ZNF91: variants seen among roughly 807,000 people sequenced by gnomAD.
ZNF91 encodes zinc finger protein 91.
A neutral mutation model predicts 12.6 loss-of-function variants in ZNF91; 7 were observed. The observed-to-expected ratio is 0.55, with a 90% CI of 0.31 to 1.04. The LOEUF (loss-of-function observed/expected upper bound fraction) is 1.04. Among genes scored for constraint, ZNF91 ranks in the 50% least tolerant of loss-of-function variants. The pLI is 0.05. For missense variants in ZNF91, 1,217 were observed against 1,385.4 expected (o/e 0.88, Z 1.93); for synonymous variants, 453 against 462.6 (o/e 0.98, Z 0.27).
At chr19:23,350,601 T>C (rs536771938) in intron 3 of ZNF91, among the ~76,000 whole-genome samples, 2 of 152,210 alleles carry the variant, frequency 1.3e-5, no homozygotes, top group South Asian at 2.1e-4. Context: ...TATAACCAAA[T>C]AGACAGGAAT....
Position 23,359,008 on chromosome 19 carries a change from G to T in ZNF91, c.*395C>A. On this transcript the variant is annotated 3_prime_UTR_variant, in exon 4 of 4. Transcript: ENST00000300619. Reference sequence around the variant, plus strand: ...AGTAAGGTGTGAAAACTGGTTAAAGGCTTTGCCAAATTTTTCCTGTTTGTA... The same window carrying T: ...AGTAAGGTGTGAAAACTGGTTAAAGTCTTTGCCAAATTTTTCCTGTTTGTA... The T allele has an allele frequency of 6.0e-6, 3 of 502,158 alleles. No homozygotes were observed. The highest frequency in any genetic ancestry group is 2.2e-5 in the Admixed American group (1 of 45,094). 31.1% of individuals were successfully genotyped at this position (502,158 alleles called of 1,614,324 possible). A position where few individuals can be genotyped will look rare whatever the true frequency, so the allele number is the denominator to read the frequency against.
intron 1 of ZNF91, chr19:23,324,330 CTCT>C (rs1967795148): frequency 6.6e-6 from 1 of 150,834 alleles, no homozygotes; most frequent in Non-Finnish European, 1.5e-5. Flanking sequence ...TCCTTTTCTT[CTCT>C]TCTCCTCCTC....
At position 23,357,911 on chromosome 19, in the gene ZNF91, G is replaced by T. The variant is rs1968534819; in HGVS notation, c.*1492C>A. 2 of 152,002 alleles carry T rather than the reference G, an allele frequency of 1.3e-5. No homozygotes were observed. The highest frequency in any genetic ancestry group is 2.4e-5 in the African/African-American group (1 of 41,394). The allele number at this position is 152,002 out of a possible 1,614,324, so 9.4% of individuals were successfully genotyped here. On this transcript the variant is annotated 3_prime_UTR_variant, in exon 4 of 4. Transcript: ENST00000300619. ...TCCGTATCAAAATATGCCACATATG[G>T]CATAATATGTACACATATTAGGTAT... is the stretch of plus-strand genomic sequence containing the variant.
chr19:23,394,753 C>T (rs1250255936), intron 1 of ZNF91, among the ~76,000 whole-genome samples: 1 of 152,152 alleles, frequency 6.6e-6, no homozygotes, highest in African/African-American at 2.4e-5. Flanking sequence ...ACAAAACCTA[C>T]ATAACTGTAC....
Position 23,361,430 on chromosome 19 carries a change from G to A in ZNF91, c.1549C>T (p.Pro517Ser), listed in dbSNP as rs550074503. The A allele has an allele frequency of 1.0e-4, 168 of 1,613,428 alleles. 1 individual carries two copies. The South Asian group carries it at 1.7e-3, about 16-fold the overall frequency. Reference sequence around the variant, plus strand: ...TTGCCACATTCTTCAAATTTGTAGGGTTTCTCTCCAGTATGAATTATCTTA... The same window carrying A: ...TTGCCACATTCTTCAAATTTGTAGGATTTCTCTCCAGTATGAATTATCTTA... The part of the protein sequence containing the change: ...KHKIIHTGEK[P>S]YKFEECGKAF... The change falls in exon 4 of 4, where the codon CCC becomes TCC. Residue 517 changes from proline to serine, a missense_variant. Physicochemically the swap from Pro to Ser is moderately conservative, Grantham distance 74. This residue lies in a region of ZNF91 where 726 missense variants were observed against 895.5 expected (regional missense o/e 0.81). Transcript: ENST00000300619.
At chr19:23,380,644 A>G (rs1271909689) in intron 1 of ZNF91, 1 of 152,252 alleles carries the variant, frequency 6.6e-6, no homozygotes, top group African/African-American at 2.4e-5. Flanking sequence ...GAGATTACAT[A>G]TAAGATTGAT....
At chr19:23,339,643 G>A (rs1240901131) in intron 3 of ZNF91, 3 of 152,248 alleles carry the variant, frequency 2.0e-5, no homozygotes, top group East Asian at 1.9e-4. Context: ...TGTAAATGAA[G>A]TAATTATGAT....
intron 1 of ZNF91, chr19:23,380,694 T>C (rs1296669447): frequency 6.6e-6 from 1 of 152,208 alleles, no homozygotes; most frequent in Non-Finnish European, 1.5e-5. Context: ...ATAATTTCTC[T>C]CTAAATATCC....
chr19:23,318,419 T>C (rs1967614978), intron 1 of ZNF91, among the ~76,000 whole-genome samples: 1 of 152,138 alleles, frequency 6.6e-6, no homozygotes, highest in South Asian at 2.1e-4. Flanking sequence ...TCTTCTATTC[T>C]TTTTAGGTTC....
At chr19:23,320,005 G>A (rs1354616671) in intron 1 of ZNF91, among the ~76,000 whole-genome samples, 1 of 152,162 alleles carries the variant, frequency 6.6e-6, no homozygotes, top group Admixed American at 6.5e-5. Flanking sequence ...TACAGAGAGT[G>A]TCATCACAGG....
At chr19:23,342,866 T>C (rs539478814) in intron 3 of ZNF91, among the ~76,000 whole-genome samples, 1 of 152,276 alleles carries the variant, frequency 6.6e-6, no homozygotes, top group South Asian at 2.1e-4. Flanking sequence ...GAGAATTCTA[T>C]GGCCAAAGCC....
At chr19:23,374,901 T>C (rs1969449146) in intron 1 of ZNF91, 137 bp from the exon 2 acceptor site, 21 of 1,395,142 alleles carry the variant, frequency 1.5e-5, no homozygotes, top group Middle Eastern at 1.9e-4. Flanking sequence ...AATAAAATAA[T>C]TGTCAACACA....
At position 23,359,025 on chromosome 19, in the gene ZNF91, C is replaced by T; in HGVS notation, c.*378G>A. On this transcript the variant is annotated 3_prime_UTR_variant, in exon 4 of 4. Transcript: ENST00000300619. The stretch of plus-strand genomic sequence containing the variant: ...GGTTAAAGGCTTTGCCAAATTTTTC[C>T]TGTTTGTAGGGTTGCTGTCCAGTAT... 2.0e-6 allele frequency: 1 copy of T among 490,832 alleles called. No homozygotes were observed. Among genetic ancestry groups the T allele is most frequent in the Non-Finnish European group, 4.0e-6 (1 of 250,694 alleles). The allele number at this position is 490,832 out of a possible 1,614,324, so 30.4% of individuals were successfully genotyped here.
At chr19:23,388,804 G>A (rs1401919664) in intron 1 of ZNF91, among the ~76,000 whole-genome samples, 1 of 152,140 alleles carries the variant, frequency 6.6e-6, no homozygotes, top group Non-Finnish European at 1.5e-5. Flanking sequence ...AACCCAGGAG[G>A]TGGAGGTTGC....
At chr19:23,340,743 A>T (rs577652355) in intron 3 of ZNF91, among the ~76,000 whole-genome samples, 1 of 150,244 alleles carries the variant, frequency 6.7e-6, no homozygotes, top group South Asian at 2.1e-4. Context: ...ATTATTATTT[A>T]TTATATTATT....
At chr19:23,349,108 T>TG in intron 3 of ZNF91, among the ~76,000 whole-genome samples, 1 of 152,314 alleles carries the variant, frequency 6.6e-6, no homozygotes, top group South Asian at 2.1e-4. Context: ...TAGCGGGACA[T>TG]GGACACTCAT....
At chr19:23,349,593 A>G (rs899957401) in intron 3 of ZNF91, among the ~76,000 whole-genome samples, 1 of 152,112 alleles carries the variant, frequency 6.6e-6, no homozygotes, top group African/African-American at 2.4e-5. Flanking sequence ...TCCTCTCAAC[A>G]TAACTGTCTT....
At chr19:23,323,765 C>A (rs1321230508) in intron 1 of ZNF91, among the ~76,000 whole-genome samples, 1 of 145,480 alleles carries the variant, frequency 6.9e-6, no homozygotes, top group African/African-American at 2.6e-5. Context: ...TCATTCTTTT[C>A]GTCTCCTCCT....
intron 3 of ZNF91, among the ~76,000 whole-genome samples, chr19:23,373,345 CTTATATAT>C (rs1325674691): frequency 1.8e-4 from 15 of 84,000 alleles, no homozygotes; most frequent in African/African-American, 6.3e-4. Flanking sequence ...ATCATGTAAT[CTTATATAT>C]ATATATATAT....
Sources: allele counts gnomAD v4.1 joint callset (sites outside exome capture counted in the v4.1 genomes callset), GRCh38; gene constraint gnomAD v4.1.1; regional missense constraint gnomAD v4.1.1; transcripts MANE v1.5; gene names NCBI Gene and HGNC (gene_info 2026-07-23, HGNC 2026-07-21).